AGMO: variants seen among roughly 807,000 people sequenced by gnomAD.
AGMO encodes the protein glyceryl-ether monooxygenase.
AGMO carries 75 observed loss-of-function variants against 60.2 expected under a neutral mutation model. The observed-to-expected ratio is 1.25, with a 90% CI of 1.03 to 1.51. AGMO has a LOEUF of 1.51. Ranked by LOEUF, AGMO falls within the 40% of genes most tolerant of loss-of-function variation. The pLI is 0.00. For synonymous variants in AGMO, 261 were observed against 177.1 expected (o/e 1.47, Z -3.76); for missense variants, 763 against 525.5 (o/e 1.45, Z -4.42).
At chr7:15,255,984 A>G (rs1177238768) in intron 12 of AGMO, among the ~76,000 whole-genome samples, 1 of 152,216 alleles carries the variant, frequency 6.6e-6, no homozygotes. Context: ...AGGTGAAGAT[A>G]ATGAAAAGAA....
intron 12 of AGMO, among the ~76,000 whole-genome samples, chr7:15,209,291 T>C (rs1781518073): frequency 6.6e-6 from 1 of 152,176 alleles, no homozygotes; most frequent in Middle Eastern, 3.2e-3. Flanking sequence ...AAATGCAGAA[T>C]AGCATGCAAT....
downstream of AGMO, among the ~76,000 whole-genome samples, chr7:15,200,061 G>GC (rs1436962149): frequency 6.6e-6 from 1 of 151,980 alleles, no homozygotes; most frequent in African/African-American, 2.4e-5. Context: ...TGATACATAG[G>GC]CAAAGCTCAA....
chr7:15,262,664 T>A (rs1019451463), intron 12 of AGMO, among the ~76,000 whole-genome samples: 3 of 151,892 alleles, frequency 2.0e-5, no homozygotes, highest in Non-Finnish European at 4.4e-5. Context: ...AAAGCAAGAC[T>A]AAGCAAAAAG....
At chr7:15,360,445 T>G (rs1047505635) in intron 12 of AGMO, among the ~76,000 whole-genome samples, 2 of 152,196 alleles carry the variant, frequency 1.3e-5, no homozygotes, top group South Asian at 4.1e-4. Flanking sequence ...TTAACACATA[T>G]TCTGTATGCT....
At chr7:15,124,474 T>G in the AGMO span, among the ~76,000 whole-genome samples, 1 of 152,014 alleles carries the variant, frequency 6.6e-6, no homozygotes, top group African/African-American at 2.4e-5. Flanking sequence ...ATAAAGAAAT[T>G]GGGGCAATTT....
At chr7:15,432,587 G>C (rs1338791684) in intron 3 of AGMO, among the ~76,000 whole-genome samples, 1 of 151,416 alleles carries the variant, frequency 6.6e-6, no homozygotes, top group African/African-American at 2.4e-5. Flanking sequence ...GATAACAAAT[G>C]CCATTTTTAT....
intron 12 of AGMO, among the ~76,000 whole-genome samples, chr7:15,279,775 A>G (rs543722906): frequency 1.4e-3 from 217 of 151,992 alleles, no homozygotes; most frequent in Non-Finnish European, 2.7e-3. Flanking sequence ...TAGGATTCAC[A>G]CTCCCTTGTG....
intron 12 of AGMO, among the ~76,000 whole-genome samples, chr7:15,228,715 T>C (rs761689621): frequency 3.9e-5 from 6 of 152,160 alleles, no homozygotes; most frequent in African/African-American, 9.7e-5. Flanking sequence ...TGTTTTGCCA[T>C]AGTAGTTATC....
At chr7:15,540,938 C>A (rs987174587) in intron 3 of AGMO, among the ~76,000 whole-genome samples, 3 of 152,098 alleles carry the variant, frequency 2.0e-5, no homozygotes, top group Admixed American at 6.5e-5. Flanking sequence ...GCACCCAAGG[C>A]AAGATAGAGC....
intron 3 of AGMO, among the ~76,000 whole-genome samples, chr7:15,467,066 T>C (rs1782313083): frequency 6.6e-6 from 1 of 152,200 alleles, no homozygotes; most frequent in African/African-American, 2.4e-5. Flanking sequence ...ATGGATAATA[T>C]AGTTCTATAA....
At chr7:15,336,558 C>T (rs1237316246) in intron 12 of AGMO, among the ~76,000 whole-genome samples, 1 of 152,084 alleles carries the variant, frequency 6.6e-6, no homozygotes, top group African/African-American at 2.4e-5. Context: ...ATTGCGTGTT[C>T]CTAGCAAATG....
At chr7:15,395,499 A>AT (rs1239298600) in intron 5 of AGMO, among the ~76,000 whole-genome samples, 1 of 152,094 alleles carries the variant, frequency 6.6e-6, no homozygotes, top group Admixed American at 6.5e-5. Flanking sequence ...ATTGGGAGTT[A>AT]TAATAACATT....
chr7:15,500,606 TA>T (rs1783358223), intron 3 of AGMO, among the ~76,000 whole-genome samples: 1 of 151,946 alleles, frequency 6.6e-6, no homozygotes, highest in African/African-American at 2.4e-5. Context: ...AAAATATTTT[TA>T]AAATATTTTT....
intron 12 of AGMO, among the ~76,000 whole-genome samples, chr7:15,256,174 G>A (rs531599461): frequency 6.6e-6 from 1 of 152,156 alleles, no homozygotes; most frequent in Non-Finnish European, 1.5e-5. Flanking sequence ...CCAAGGAAAC[G>A]AGAGTGTTCA....
At chr7:15,400,851 T>G (rs912192836) in intron 5 of AGMO, among the ~76,000 whole-genome samples, 3 of 152,176 alleles carry the variant, frequency 2.0e-5, no homozygotes, top group Non-Finnish European at 4.4e-5. Flanking sequence ...CTGAGTTCAG[T>G]TTTATGAGAG....
At chr7:15,459,811 G>A (rs183364952) in intron 3 of AGMO, among the ~76,000 whole-genome samples, 1,703 of 152,110 alleles carry the variant, frequency 0.011, 19 homozygotes, top group Non-Finnish European at 0.016. Context: ...AGCTATGTGA[G>A]TAGAAAAACT....
intron 12 of AGMO, among the ~76,000 whole-genome samples, chr7:15,245,400 A>G (rs930549814): frequency 6.6e-6 from 1 of 152,184 alleles, no homozygotes; most frequent in Admixed American, 6.5e-5. Context: ...TAATTGGCTG[A>G]GAGGGAGTTT....
chr7:15,160,715 G>T, the AGMO span, among the ~76,000 whole-genome samples: 1 of 152,064 alleles, frequency 6.6e-6, no homozygotes, highest in Non-Finnish European at 1.5e-5. Context: ...CTACTTTGAT[G>T]GTTAATTTCA....
rs951256706 is a variant in AGMO, at chr7:15,338,320, T to C, written c.1263+27194A>G. On this transcript the variant is annotated intron_variant, in intron 12 of 12. Coordinates refer to ENST00000342526, the MANE Select transcript of AGMO (RefSeq NM_001004320.2). ...GGTGAATTTTTACACATTCATCTGA[T>C]AGCTGAACATTTAATAGTTATATAC... Among the ~76,000 whole-genome samples, 27 of 152,190 alleles carry C rather than the reference T, an allele frequency of 1.8e-4. 1 individual carries two copies. The highest frequency in any genetic ancestry group is 6.0e-4 in the African/African-American group (25 of 41,456).
Sources: gnomAD v4.1 joint callset for allele counts (sites outside exome capture counted in the v4.1 genomes callset) on GRCh38, gnomAD v4.1.1 for gene constraint, MANE v1.5 for transcripts, NCBI Gene and HGNC (gene_info 2026-07-23, HGNC 2026-07-21) for gene names.